The following GPHN variants were observed in gnomAD, a reference collection of about 807,000 sequenced individuals.
GPHN encodes the protein gephyrin.
In GPHN, 17 loss-of-function variants were observed where a neutral mutation model predicts 95.5. That is an observed-to-expected ratio of 0.18 (90% CI 0.12 to 0.27). GPHN has a LOEUF of 0.27. GPHN is among the 10% of genes least tolerant of loss of function. GPHN has a pLI of 1.00. For missense variants in GPHN, 660 were observed against 978.1 expected, an observed-to-expected ratio of 0.67 and a Z score of 4.34; for synonymous variants, 320 against 322.5, an observed-to-expected ratio of 0.99 and a Z score of 0.08.
the GPHN span, among the ~76,000 whole-genome samples, chr14:67,192,838 ATATC>A: frequency 2.1e-4 from 30 of 146,222 alleles, no homozygotes; most frequent in African/African-American, 3.8e-4. Flanking sequence ...ATCTATATAT[ATATC>A]TATATATAGA....
the GPHN span, among the ~76,000 whole-genome samples, chr14:67,331,763 A>G: frequency 6.6e-6 from 1 of 152,172 alleles, no homozygotes; most frequent in African/African-American, 2.4e-5. Context: ...CCAATACCAC[A>G]AAGTTTCAGT....
the GPHN span, among the ~76,000 whole-genome samples, chr14:67,435,384 C>T: frequency 6.6e-6 from 1 of 152,156 alleles, no homozygotes; most frequent in South Asian, 2.1e-4. Context: ...ATGATCCAAT[C>T]ACCTTTTAAA....
chr14:67,224,474 A>G, the GPHN span, among the ~76,000 whole-genome samples: 1 of 151,808 alleles, frequency 6.6e-6, no homozygotes, highest in Non-Finnish European at 1.5e-5. Flanking sequence ...GTTAGCCAGG[A>G]TGGTCTCAAT....
chr14:67,615,650 A>T, the GPHN span: 1 of 532,596 alleles, frequency 1.9e-6, no homozygotes, highest in Non-Finnish European at 3.7e-6. Context: ...TCTGCTAAAG[A>T]GAAAGGACAA....
chr14:66,716,516 G>C (rs182995721), intron 2 of GPHN, among the ~76,000 whole-genome samples: 2 of 152,218 alleles, frequency 1.3e-5, no homozygotes, highest in African/African-American at 4.8e-5. Context: ...TGAGATGTGA[G>C]GTACCATTTG....
At chr14:67,434,968 C>CT in the GPHN span, among the ~76,000 whole-genome samples, 6,264 of 147,348 alleles carry the variant, frequency 0.043, 476 homozygotes, top group African/African-American at 0.15. Flanking sequence ...TCTTCTCTCT[C>CT]TCTTTTTTTT....
At chr14:67,597,477 CA>C in the GPHN span, among the ~76,000 whole-genome samples, 1 of 144,554 alleles carries the variant, frequency 6.9e-6, no homozygotes, top group African/African-American at 2.6e-5. Context: ...GAACCTGTCT[CA>C]AAAAAAACAA....
the GPHN span, among the ~76,000 whole-genome samples, chr14:67,427,927 T>C: frequency 6.8e-6 from 1 of 147,246 alleles, no homozygotes; most frequent in African/African-American, 2.5e-5. Flanking sequence ...ACAATGCCCT[T>C]TTTTTTTTTT....
intron 3 of GPHN, among the ~76,000 whole-genome samples, chr14:66,794,760 A>G (rs952491542): frequency 7.2e-5 from 11 of 152,222 alleles, no homozygotes; most frequent in Non-Finnish European, 1.2e-4. Flanking sequence ...GAAGAGGTCT[A>G]TAACATTTGG....
At chr14:67,349,220 T>G in the GPHN span, 5 of 1,008,424 alleles carry the variant, frequency 5.0e-6, no homozygotes, top group Non-Finnish European at 5.8e-6. Flanking sequence ...CAATTAAGTA[T>G]GTTTTGATAA....
intron 2 of GPHN, among the ~76,000 whole-genome samples, chr14:66,755,367 G>A (rs1203230992): frequency 6.6e-6 from 1 of 152,070 alleles, no homozygotes; most frequent in Non-Finnish European, 1.5e-5. Context: ...TGTCACAAAT[G>A]TGGCTCTGGG....
chr14:67,450,815 C>A, the GPHN span, among the ~76,000 whole-genome samples: 1 of 152,194 alleles, frequency 6.6e-6, no homozygotes, highest in Non-Finnish European at 1.5e-5. Flanking sequence ...AAGCTGGCTG[C>A]AGAAATTTGC....
chr14:67,680,703 C>T, the GPHN span, among the ~76,000 whole-genome samples: 2 of 152,176 alleles, frequency 1.3e-5, no homozygotes, highest in Admixed American at 1.3e-4. Flanking sequence ...AAGTAGTTTG[C>T]CCACCTCAGC....
At chr14:67,688,833 C>T in the GPHN span, among the ~76,000 whole-genome samples, 20 of 152,232 alleles carry the variant, frequency 1.3e-4, no homozygotes, top group Non-Finnish European at 1.9e-4. Flanking sequence ...CTTTCTCCCC[C>T]GTTAGATGTA....
At chr14:67,510,768 G>A in the GPHN span, among the ~76,000 whole-genome samples, 2 of 152,256 alleles carry the variant, frequency 1.3e-5, no homozygotes, top group Admixed American at 6.5e-5. Flanking sequence ...CTAAAATGGG[G>A]TTTGGCCAAG....
At chr14:67,681,467 C>T in the GPHN span, among the ~76,000 whole-genome samples, 2 of 152,094 alleles carry the variant, frequency 1.3e-5, no homozygotes. Flanking sequence ...GAAGGTTGAC[C>T]CCTACCTCAT....
chr14:66,647,994 G>A (rs538734985), intron 1 of GPHN, among the ~76,000 whole-genome samples: 49 of 152,158 alleles, frequency 3.2e-4, no homozygotes, highest in African/African-American at 1.2e-3. Context: ...AGAAAGCTAG[G>A]CGTCACAGTT....
intron 1 of GPHN, among the ~76,000 whole-genome samples, chr14:66,573,758 A>G (rs529331486): frequency 1.3e-5 from 2 of 152,198 alleles, no homozygotes; most frequent in Non-Finnish European, 2.9e-5. Context: ...CCCAGCCTAT[A>G]TAATGACTTT....
chr14:67,579,244 T>C, the GPHN span: 1 of 1,606,744 alleles, frequency 6.2e-7, no homozygotes, highest in Non-Finnish European at 8.5e-7. Context: ...TCCATCCTGC[T>C]GCGTAACCCC....
Sources: allele counts gnomAD v4.1 joint callset (sites outside exome capture counted in the v4.1 genomes callset), GRCh38; gene constraint gnomAD v4.1.1; transcripts MANE v1.5; gene names NCBI Gene and HGNC (gene_info 2026-07-23, HGNC 2026-07-21).